EXOC4: variants seen among roughly 807,000 people sequenced by gnomAD.
EXOC4 encodes exocyst complex component 4.
A neutral mutation model predicts 107.2 loss-of-function variants in EXOC4; 71 were observed. The observed-to-expected ratio is 0.66, with a 90% CI of 0.55 to 0.81. The LOEUF is 0.81. Among genes scored for constraint, EXOC4 ranks in the 30% least tolerant of loss-of-function variants. The pLI, the probability that EXOC4 is intolerant of heterozygous loss-of-function variation, is 0.00. For synonymous variants in EXOC4, 456 were observed against 441.2 expected, an observed-to-expected ratio of 1.03 and a Z score of -0.42; for missense variants, 1,108 against 1,189.6, an observed-to-expected ratio of 0.93 and a Z score of 1.01.
At chr7:134,063,093 G>A (rs1442444409) in intron 17 of EXOC4, among the ~76,000 whole-genome samples, 1 of 152,120 alleles carries the variant, frequency 6.6e-6, no homozygotes, top group Non-Finnish European at 1.5e-5. Flanking sequence ...GCTTAACTAG[G>A]TCTAAAATCA....
At chr7:133,488,788 A>C (rs1161114493) in intron 9 of EXOC4, among the ~76,000 whole-genome samples, 1 of 152,028 alleles carries the variant, frequency 6.6e-6, no homozygotes, top group Non-Finnish European at 1.5e-5. Context: ...GTCACAAAGT[A>C]GAATACTATG....
At position 134,059,395 on chromosome 7, in the gene EXOC4, A is replaced by G. The variant is rs528718750; in HGVS notation, c.2688-4896A>G. On this transcript the variant is annotated intron_variant, in intron 17 of 17. Transcript: ENST00000253861. ...AAAGCTCTTAAAGAGAAGTCAGAAAAGCACTAATACTCAAAGATAAAAAGA... is the reference window on the plus strand; with the variant it reads ...AAAGCTCTTAAAGAGAAGTCAGAAAGGCACTAATACTCAAAGATAAAAAGA... Among the ~76,000 whole-genome samples, 9 of 152,296 alleles carry G rather than the reference A, an allele frequency of 5.9e-5. No homozygotes were observed. The South Asian group carries it at 1.9e-3, about 32-fold the overall frequency.
chr7:133,971,540 T>C (rs569711216), intron 14 of EXOC4, among the ~76,000 whole-genome samples: 72 of 151,970 alleles, frequency 4.7e-4, no homozygotes, highest in Middle Eastern at 3.4e-3. Context: ...TTTTATTAAA[T>C]AGATTTTTCT....
chr7:133,653,818 AC>A, intron 10 of EXOC4, among the ~76,000 whole-genome samples: 1 of 152,256 alleles, frequency 6.6e-6, no homozygotes, highest in South Asian at 2.1e-4. Context: ...AGAATGGTGT[AC>A]TCTCTGTCCA....
At chr7:133,310,275 G>T (rs1030711555) in intron 4 of EXOC4, among the ~76,000 whole-genome samples, 1 of 152,142 alleles carries the variant, frequency 6.6e-6, no homozygotes, top group Admixed American at 6.6e-5. Flanking sequence ...ACCTGAAACT[G>T]CAGATAGTGC....
intron 10 of EXOC4, among the ~76,000 whole-genome samples, chr7:133,780,146 C>G (rs1270170465): frequency 2.6e-5 from 4 of 151,914 alleles, no homozygotes; most frequent in Non-Finnish European, 5.9e-5. Flanking sequence ...CTAGTGGTCA[C>G]TAATAGTTTT....
At chr7:133,351,482 G>T (rs568309580) in intron 5 of EXOC4, among the ~76,000 whole-genome samples, 1 of 151,864 alleles carries the variant, frequency 6.6e-6, no homozygotes, top group Non-Finnish European at 1.5e-5. Flanking sequence ...GGTGTTGTAC[G>T]ATTATTCACA....
At chr7:133,798,990 G>A (rs145471737) in intron 10 of EXOC4, among the ~76,000 whole-genome samples, 3 of 152,070 alleles carry the variant, frequency 2.0e-5, no homozygotes, top group South Asian at 2.1e-4. Context: ...CTGAAGCTGC[G>A]ATTTTGAGAG....
intron 9 of EXOC4, among the ~76,000 whole-genome samples, chr7:133,525,570 C>A (rs1584977729): frequency 6.6e-6 from 1 of 152,086 alleles, no homozygotes; most frequent in African/African-American, 2.4e-5. Context: ...CCCTTTTGAC[C>A]TGTCAGGATA....
In EXOC4 at chr7:133,895,671, C is replaced by G. The variant is rs773908666; in HGVS notation, c.1807C>G (p.Gln603Glu). Reference sequence around the variant, plus strand: ...GCATGACTTGAGTGCATATTCAGATCAATTCCTCAACATGGTGTGCGTGAA... The same window carrying G: ...GCATGACTTGAGTGCATATTCAGATGAATTCCTCAACATGGTGTGCGTGAA... ...LMHDLSAYSD[Q>E]FLNMVCVKLQ... is the part of the protein sequence containing the mutation. The change falls in exon 12 of 18, where the codon CAA becomes GAA. Residue 603 changes from glutamine (Q) to glutamate (E), a missense_variant. Physicochemically the swap from Gln to Glu is conservative, Grantham distance 29 (BLOSUM62 2). Coordinates refer to ENST00000253861, the MANE Select transcript of EXOC4 (RefSeq NM_021807.4). The G allele has an allele frequency of 4.3e-6, 7 of 1,613,910 alleles. No homozygotes were observed. The highest frequency in any genetic ancestry group is 1.7e-5 in the Admixed American group (1 of 60,012).
chr7:133,705,090 A>T (rs1794740960), intron 10 of EXOC4, among the ~76,000 whole-genome samples: 1 of 152,170 alleles, frequency 6.6e-6, no homozygotes, highest in Non-Finnish European at 1.5e-5. Context: ...AGAGGCAGGC[A>T]CGGTGGCTCA....
At chr7:133,619,203 G>A (rs1169452849) in intron 9 of EXOC4, among the ~76,000 whole-genome samples, 1 of 152,168 alleles carries the variant, frequency 6.6e-6, no homozygotes, top group Non-Finnish European at 1.5e-5. Context: ...ATGGCACCAT[G>A]TTTTGCAACC....
intron 9 of EXOC4, among the ~76,000 whole-genome samples, chr7:133,597,096 A>G (rs901270839): frequency 6.6e-6 from 1 of 152,144 alleles, no homozygotes; most frequent in Non-Finnish European, 1.5e-5. Flanking sequence ...GTGCAGAGAT[A>G]ATTCATGTCA....
chr7:133,636,716 C>A (rs931334899), intron 10 of EXOC4, among the ~76,000 whole-genome samples: 1 of 152,156 alleles, frequency 6.6e-6, no homozygotes. Context: ...GCATTTTTCA[C>A]TAGTAATTAT....
At chr7:133,768,362 A>G (rs938661500) in intron 10 of EXOC4, 5 of 151,898 alleles carry the variant, frequency 3.3e-5, no homozygotes, top group Admixed American at 6.6e-5. Flanking sequence ...TGAAGTCTTT[A>G]TTGTCTCCCC....
intron 10 of EXOC4, among the ~76,000 whole-genome samples, chr7:133,759,008 T>C (rs1435363278): frequency 2.6e-5 from 4 of 152,176 alleles, no homozygotes; most frequent in Non-Finnish European, 4.4e-5. Context: ...GGGACCACTA[T>C]CATGTGGACA....
At chr7:133,319,087 T>C (rs942267091) in intron 5 of EXOC4, among the ~76,000 whole-genome samples, 1 of 152,242 alleles carries the variant, frequency 6.6e-6, no homozygotes, top group East Asian at 1.9e-4. Context: ...TTTTTTGTAA[T>C]GTGAATCATT....
At chr7:133,305,746 A>T in intron 3 of EXOC4, 131 bp from the exon 4 acceptor site, 1 of 689,002 alleles carries the variant, frequency 1.5e-6, no homozygotes, top group Non-Finnish European at 2.3e-6. Context: ...TACTCTACGA[A>T]GTCTTTTATA....
At chr7:133,345,160 G>A (rs923737414) in intron 5 of EXOC4, among the ~76,000 whole-genome samples, 3 of 149,278 alleles carry the variant, frequency 2.0e-5, no homozygotes. Flanking sequence ...GAGTTTTGAT[G>A]TTACATTTTG....
Sources: allele counts gnomAD v4.1 joint callset (sites outside exome capture counted in the v4.1 genomes callset), GRCh38; gene constraint gnomAD v4.1.1; transcripts MANE v1.5; gene names NCBI Gene and HGNC (gene_info 2026-07-23, HGNC 2026-07-21).